The following LEO1 variants were observed in gnomAD, a reference collection of about 807,000 sequenced individuals.
LEO1 encodes LEO1 component of Paf1/RNA polymerase II complex.
A neutral mutation model predicts 80.4 loss-of-function variants in LEO1; 34 were observed. The observed-to-expected ratio is 0.42, with a 90% CI of 0.32 to 0.56. The LOEUF is 0.56. LEO1 is among the 20% of genes least tolerant of loss of function. The pLI is 0.10. For missense variants in LEO1, 631 were observed against 814.2 expected, an observed-to-expected ratio of 0.77 and a Z score of 2.74; for synonymous variants, 262 against 274.9, an observed-to-expected ratio of 0.95 and a Z score of 0.46.
chr15:51,945,213 T>C (rs1354477517), intron 11 of LEO1, among the ~76,000 whole-genome samples: 1 of 136,840 alleles, frequency 7.3e-6, no homozygotes, highest in African/African-American at 2.8e-5. Flanking sequence ...GCCCATGAAT[T>C]CGGGACCAGC....
At position 51,954,639 on chromosome 15, in the gene LEO1, C is replaced by T; in HGVS notation, c.1246-64G>A. ...AAATGACTCTATGCATCTTGTTTTT[C>T]CTCAAGAGGCACATAATCACAGAAT... On this transcript the variant is annotated intron_variant, in intron 6 of 11. Transcript: ENST00000299601. 3.9e-6 allele frequency: 4 copies of T among 1,038,846 alleles called. No homozygotes were observed. In the South Asian group the frequency reaches 5.1e-5, roughly 13 times the overall value. 64.4% of individuals were successfully genotyped at this position (1,038,846 alleles called of 1,614,324 possible).
At chr15:51,958,879 C>T (rs1363960156) in intron 5 of LEO1, 53 bp from the exon 6 acceptor site, 2 of 922,918 alleles carry the variant, frequency 2.2e-6, no homozygotes, top group African/African-American at 1.7e-5. Context: ...AAGAATATTA[C>T]TGCTATGTAA....
At chr15:51,968,403 T>C (rs1408670492) in intron 1 of LEO1, among the ~76,000 whole-genome samples, 1 of 151,690 alleles carries the variant, frequency 6.6e-6, no homozygotes, top group Non-Finnish European at 1.5e-5. Flanking sequence ...TAGCTGGGCA[T>C]GGGGGCACAC....
intron 1 of LEO1, among the ~76,000 whole-genome samples, chr15:51,968,828 C>CA (rs796663598): frequency 1.4e-3 from 190 of 132,914 alleles, no homozygotes; most frequent in Admixed American, 3.1e-3. Flanking sequence ...GACTCCGTCT[C>CA]AAAAAAAAAA....
intron 2 of LEO1, among the ~76,000 whole-genome samples, chr15:51,963,692 A>G (rs1469055437): frequency 6.6e-6 from 1 of 151,490 alleles, no homozygotes; most frequent in Admixed American, 6.6e-5. Flanking sequence ...ACCTGAGATC[A>G]GGAGTTCGAG....
Position 51,951,801 on chromosome 15 carries a change from T to C in LEO1, c.1611+43A>G, listed in dbSNP as rs1366006750. The C allele has an allele frequency of 4.4e-6, 7 of 1,575,152 alleles. No individual in the cohort carries two copies. In the South Asian group the frequency reaches 4.6e-5, roughly 10 times the overall value. On this transcript the variant is annotated intron_variant, in intron 9 of 11. Coordinates refer to ENST00000299601, the MANE Select transcript of LEO1 (RefSeq NM_138792.4). The stretch of plus-strand genomic sequence containing the variant: ...CATTTTGGGAAATACTTGCCTAATA[T>C]ACCAAAGAATCCCAGGATAACGCTT...
At chr15:51,943,539 A>C (rs928119122) in intron 11 of LEO1, among the ~76,000 whole-genome samples, 1 of 151,292 alleles carries the variant, frequency 6.6e-6, no homozygotes. Flanking sequence ...GTCTCTACTA[A>C]AAGTACAAAA....
At chr15:51,969,778 T>C (rs2057107927) in intron 1 of LEO1, among the ~76,000 whole-genome samples, 3 of 142,296 alleles carry the variant, frequency 2.1e-5, no homozygotes, top group South Asian at 2.2e-4. Context: ...GAGGCGGAGG[T>C]TGCAGTGAGC....
intron 1 of LEO1, among the ~76,000 whole-genome samples, chr15:51,968,472 C>T (rs998207754): frequency 1.3e-5 from 2 of 150,914 alleles, no homozygotes; most frequent in Non-Finnish European, 2.9e-5. Context: ...ACCTAGGAAG[C>T]GGAGGTTGCA....
chr15:51,942,780 G>T (rs1470780574), intron 11 of LEO1, among the ~76,000 whole-genome samples: 1 of 151,946 alleles, frequency 6.6e-6, no homozygotes, highest in East Asian at 1.9e-4. Flanking sequence ...AAATTAGCTG[G>T]GCGTGGTGGC....
At chr15:51,946,998 A>G (rs2056906980) in intron 11 of LEO1, 3 of 338,236 alleles carry the variant, frequency 8.9e-6, no homozygotes, top group African/African-American at 2.2e-5. Context: ...AGGCCTTTCC[A>G]TCTATCCGGA....
At chr15:51,955,139 C>G (rs749156641) in intron 6 of LEO1, 1 of 152,364 alleles carries the variant, frequency 6.6e-6, no homozygotes, top group Non-Finnish European at 1.5e-5. Flanking sequence ...AGGGTTTCAC[C>G]GTGTTAGCCA....
At chr15:51,948,608 T>C (rs1322889308) in intron 10 of LEO1, among the ~76,000 whole-genome samples, 1 of 152,246 alleles carries the variant, frequency 6.6e-6, no homozygotes, top group South Asian at 2.1e-4. Context: ...TGCCAGGCTC[T>C]GGGCTAAGTA....
rs148875921 is a variant in LEO1, at chr15:51,963,196, A to G, written c.815-703T>C. ...GAGGCTGAGGCAAGAGAATCATTTG[A>G]ACCTGGGAGACTGATGGTGCAGTGA... On this transcript the variant is annotated intron_variant, in intron 2 of 11. Transcript: ENST00000299601. Among the ~76,000 whole-genome samples the G allele has an allele frequency of 1.8e-4, 27 of 152,230 alleles. 1 individual carries two copies. The East Asian group carries it at 4.6e-3, about 26-fold the overall frequency.
intron 10 of LEO1, among the ~76,000 whole-genome samples, chr15:51,947,634 G>A (rs2056913308): frequency 6.6e-6 from 1 of 151,758 alleles, no homozygotes; most frequent in African/African-American, 2.4e-5. Flanking sequence ...ATGTTGCCCA[G>A]GCTGGTCTTG....
intron 9 of LEO1, among the ~76,000 whole-genome samples, chr15:51,950,615 G>C (rs1188945260): frequency 6.6e-6 from 1 of 152,188 alleles, no homozygotes; most frequent in African/African-American, 2.4e-5. Flanking sequence ...GTAGGTTTCA[G>C]GGATATTCTG....
chr15:51,960,414 C>G (rs2057020895), intron 4 of LEO1, among the ~76,000 whole-genome samples: 1 of 152,262 alleles, frequency 6.6e-6, no homozygotes, highest in Non-Finnish European at 1.5e-5. Flanking sequence ...ATCACAAGTC[C>G]TCACAGTTCA....
At chr15:51,947,697 T>C (rs2056914014) in intron 10 of LEO1, among the ~76,000 whole-genome samples, 2 of 152,196 alleles carry the variant, frequency 1.3e-5, no homozygotes, top group Non-Finnish European at 2.9e-5. Flanking sequence ...AGTGCTGGGA[T>C]TATAGGCGTG....
chr15:51,964,023 G>A (rs1263173145), intron 2 of LEO1, among the ~76,000 whole-genome samples: 5 of 151,926 alleles, frequency 3.3e-5, no homozygotes, highest in Admixed American at 6.6e-5. Flanking sequence ...TGGCTAACAC[G>A]GTGAAACCCT....
Sources: allele counts gnomAD v4.1 joint callset (sites outside exome capture counted in the v4.1 genomes callset), GRCh38; gene constraint gnomAD v4.1.1; transcripts MANE v1.5; gene names NCBI Gene and HGNC (gene_info 2026-07-23, HGNC 2026-07-21).